The following CSHL1 variants were observed in gnomAD, a reference collection of about 807,000 sequenced individuals.
CSHL1 encodes the protein chorionic somatomammotropin hormone like 1, also known as chorionic somatomammotropin hormone-like 1.
CSHL1 carries 25 observed loss-of-function variants against 24.3 expected under a neutral mutation model. The observed-to-expected ratio is 1.03, with a 90% CI of 0.75 to 1.44. The LOEUF (loss-of-function observed/expected upper bound fraction) is 1.44. Ranked by LOEUF, CSHL1 falls within the 40% of genes most tolerant of loss-of-function variation. The pLI, the probability that CSHL1 is intolerant of heterozygous loss-of-function variation, is 0.00. For missense variants in CSHL1, 342 were observed against 279.3 expected (o/e 1.22, Z -1.60); for synonymous variants, 157 against 115.6 (o/e 1.36, Z -2.30).
At position 63,910,882 on chromosome 17, in the gene CSHL1, A is replaced by G. The variant is rs1462435095; in HGVS notation, c.53T>C (p.Leu18Pro). The G allele has an allele frequency of 6.2e-7, 1 of 1,614,162 alleles. No homozygotes were observed. Among genetic ancestry groups the G allele is most frequent in the Admixed American group, 1.7e-5 (1 of 60,024 alleles). The change falls in exon 2 of 5, where the codon CTG becomes CCG. Residue 18 changes from leucine to proline, a missense_variant. Physicochemically the swap from Leu to Pro is moderately conservative, Grantham distance 98. Coordinates refer to ENST00000309894, the MANE Select transcript of CSHL1 (RefSeq NM_022579.3). ...GGCACCAGCCTCTTGAAGCCAGGGCAGGCAGAGCAGGGCAAAAGCCAGGAG... is the reference window on the plus strand; with the variant it reads ...GGCACCAGCCTCTTGAAGCCAGGGCGGGCAGAGCAGGGCAAAAGCCAGGAG... The part of the protein sequence containing the change: ...SLLLAFALLC[L>P]PWLQEAGAVQ...
Position 63,910,323 on chromosome 17 carries a change from A to C in CSHL1, c.310T>G (p.Leu104Val). Residue 104 changes from leucine (L) to valine (V), a missense_variant, in exon 4 of 5, where the codon TTA (leucine) becomes GTA (valine). Coordinates refer to ENST00000309894, the MANE Select transcript of CSHL1 (RefSeq NM_022579.3). Reference sequence around the variant, plus strand: ...AGCAGGGAGATGTGGAGCAGCTCTAAGTTCTGCAGGGGAAGGACCGGCAGT... The same window carrying C: ...AGCAGGGAGATGTGGAGCAGCTCTACGTTCTGCAGGGGAAGGACCGGCAGT... ...NMEETQQKSN[L>V]ELLHISLLLI... 1.2e-6 allele frequency: 2 copies of C among 1,614,134 alleles called. No homozygotes were observed. The highest frequency in any genetic ancestry group is 1.7e-4 in the Middle Eastern group (1 of 6,056).
rs145719731 is a variant in CSHL1, at chr17:63,910,432, C to T, written c.294G>A (p.Thr98=). The T allele has an allele frequency of 6.9e-5, 112 of 1,614,074 alleles. 1 individual carries two copies. The highest frequency in any genetic ancestry group is 8.6e-5 in the Non-Finnish European group (102 of 1,180,048). ...AGCATCCACTCACGGATTTCTGCTG[C>T]GTTTCCTCCATGTTGGAGGATGTCG... ...SIPTSSNMEE[T]QQKSNLELLH... The change falls in exon 3 of 5, where the codon ACG becomes ACA. Residue 98 remains threonine (T), a synonymous_variant. Transcript: ENST00000309894.
chr17:63,910,866 C>G lies in CSHL1; in HGVS notation c.69G>C (p.Glu23Asp). 1.2e-6 allele frequency: 2 copies of G among 1,614,172 alleles called. No individual in the cohort carries two copies. Among genetic ancestry groups the G allele is most frequent in the South Asian group, 1.1e-5 (1 of 91,082 alleles). Residue 23 changes from glutamate (E) to aspartate (D), a missense_variant, in exon 2 of 5, where the codon GAG becomes GAC. Transcript: ENST00000309894. ...FALLCLPWLQ[E>D]AGAVQTVPLS... ...AGGGAACGGTTTGGACGGCACCAGC[C>G]TCTTGAAGCCAGGGCAGGCAGAGCA...
chr17:63,910,785 G>T lies in CSHL1; in HGVS notation c.150C>A (p.Ala50=). The change falls in exon 2 of 5, where the codon GCC becomes GCA. Residue 50 remains alanine (A), a synonymous_variant. Transcript: ENST00000309894. ...MLQAHRAHQL[A]IDTYQEFISS... ...TTATAAACTCCTGGTAGGTGTCAATGGCCAGCTGGTGTGCGCGATGGGCTT... is the reference window on the plus strand; with the variant it reads ...TTATAAACTCCTGGTAGGTGTCAATTGCCAGCTGGTGTGCGCGATGGGCTT... The T allele has an allele frequency of 6.2e-7, 1 of 1,614,200 alleles. No individual in the cohort carries two copies.
intron 2 of CSHL1, 46 bp from the exon 3 acceptor site, chr17:63,910,581 A>G (rs377234773): frequency 1.9e-6 from 3 of 1,613,950 alleles, no homozygotes; most frequent in African/African-American, 1.3e-5. Context: ...ACTGCTTTCT[A>G]TGCTGGAGAC....
chr17:63,911,076 T>C, intron 1 of CSHL1, 111 bp downstream of exon 1: 7 of 1,611,502 alleles, frequency 4.3e-6, no homozygotes, highest in Non-Finnish European at 5.1e-6. Context: ...TAGATGGCGA[T>C]ATTCACATTC....
In CSHL1 at chr17:63,909,886, A is replaced by C. The variant is rs200267741; in HGVS notation, c.494T>G (p.Leu165Arg). The change falls in exon 5 of 5, where the codon CTG (leucine) becomes CGG (arginine). Residue 165 changes from leucine (L) to arginine (R), a missense_variant. Leu to Arg is a moderately radical substitution (Grantham distance 102). Coordinates refer to ENST00000309894, the MANE Select transcript of CSHL1 (RefSeq NM_022579.3). ...GGTCTGCTTGAGGGTCTGCCCAGTC[A>C]GGTGGCTGCCGTCTTCCAGCCTCTG... ...LMGRLEDGSH[L>R]TGQTLKQTYS... 332 of 1,613,482 alleles carry C rather than the reference A, an allele frequency of 2.1e-4. 3 individuals carry two copies. Among genetic ancestry groups the C allele is most frequent in the South Asian group, 1.8e-3 (164 of 91,064 alleles).
rs200319165 is a variant in CSHL1 at position 63,909,819 on chromosome 17, C to T, written c.561G>A (p.Leu187=). 1,207 of 1,613,972 alleles carry T rather than the reference C, an allele frequency of 7.5e-4. 15 individuals carry two copies. The South Asian group carries it at 7.6e-3, about 10-fold the overall frequency. The change falls in exon 5 of 5, where the codon CTG becomes CTA. Residue 187 remains leucine, a synonymous_variant. Coordinates refer to ENST00000309894, the MANE Select transcript of CSHL1 (RefSeq NM_022579.3). The part of the protein sequence containing the change: ...FDTNSHNHDA[L]LKNYGLLHCF... ...AGTGGAGCAGCCCGTAGTTCTTGAG[C>T]AGTGCGTCATGGTTGTGCGAGTTTG...
At chr17:63,910,011 G>T in intron 4 of CSHL1, 103 bp from the exon 5 acceptor site, 2 of 1,613,998 alleles carry the variant, frequency 1.2e-6, no homozygotes, top group South Asian at 1.1e-5. Flanking sequence ...TGTAGAGAAA[G>T]GCCTGGAGGA....
Position 63,910,222 on chromosome 17 carries a change from C to T in CSHL1, c.411G>A (p.Ser137=), listed in dbSNP as rs754044831. 3.2e-5 allele frequency: 51 copies of T among 1,613,876 alleles called. No homozygotes were observed. Among genetic ancestry groups the T allele is most frequent in the African/African-American group, 2.9e-4 (22 of 74,800 alleles). The change falls in exon 4 of 5, where the codon TCG becomes TCA. Residue 137 remains serine (S), a synonymous_variant. Coordinates refer to ENST00000309894, the MANE Select transcript of CSHL1 (RefSeq NM_022579.3). ...TFTNNLVYDT[S]DSDDYHLLKD... ...TTAGGAGGTGATAGTCATCGCTGTC[C>T]GAGGTGTCATACACCAGGTTGTTGG... is the stretch of plus-strand genomic sequence containing the variant.
chr17:63,910,559 C>A (rs779436626), intron 2 of CSHL1, 24 bp from the exon 3 acceptor site: 1 of 1,614,052 alleles, frequency 6.2e-7, no homozygotes, highest in Non-Finnish European at 8.5e-7. Flanking sequence ...GGACCCCCCA[C>A]CAAGAAGGAC....
chr17:63,910,457 G>A lies in CSHL1; in HGVS notation c.269C>T (p.Pro90Leu), dbSNP rs751267674. Residue 90 changes from proline (P) to leucine (L), a missense_variant, in exon 3 of 5, where the codon CCG (proline) becomes CTG (leucine). Coordinates refer to ENST00000309894, the MANE Select transcript of CSHL1 (RefSeq NM_022579.3). ...CGTTTCCTCCATGTTGGAGGATGTC[G>A]GAATAGAGTCTGAGAAGCAGAAGGA... Reference protein sequence around the residue: ...QTSFCFSDSIPTSSNMEETQQ... With the variant: ...QTSFCFSDSILTSSNMEETQQ... 1.3e-5 allele frequency: 21 copies of A among 1,614,024 alleles called. No homozygotes were observed. Among genetic ancestry groups the A allele is most frequent in the South Asian group, 3.3e-5 (3 of 91,078 alleles).
intron 1 of CSHL1, 23 bp downstream of exon 1, chr17:63,911,164 A>G: frequency 1.9e-6 from 3 of 1,613,598 alleles, no homozygotes; most frequent in Non-Finnish European, 2.5e-6. Flanking sequence ...CGTTGTGCCC[A>G]AAGGGATTTT....
At position 63,909,825 on chromosome 17, in the gene CSHL1, G is replaced by C; in HGVS notation, c.555C>G (p.Asp185Glu). The part of the protein sequence containing the change: ...SKFDTNSHNH[D>E]ALLKNYGLLH... ...GCAGCCCGTAGTTCTTGAGCAGTGC[G>C]TCATGGTTGTGCGAGTTTGTGTCAA... Residue 185 changes from aspartate (D) to glutamate (E), a missense_variant, in exon 5 of 5, where the codon GAC becomes GAG. Coordinates refer to ENST00000309894, the MANE Select transcript of CSHL1 (RefSeq NM_022579.3). 1 of 1,613,982 alleles carries C rather than the reference G, an allele frequency of 6.2e-7. No individual in the cohort carries two copies. Among genetic ancestry groups the C allele is most frequent in the South Asian group, 1.1e-5 (1 of 91,064 alleles).
rs369410349 is a variant in CSHL1, at chr17:63,910,744, C to T, written c.190+1G>A. 9 of 1,613,996 alleles carry T rather than the reference C, an allele frequency of 5.6e-6. 1 individual carries two copies. In the African/African-American group the frequency reaches 6.7e-5, roughly 12 times the overall value. ...CCCTTCTTGCCACCCCTGACCCGCA[C>T]CCATTCCCCAAGAGCTTATAAACTC... is the stretch of plus-strand genomic sequence containing the variant. On this transcript the variant is annotated splice_donor_variant, in intron 2 of 4. Coordinates refer to ENST00000309894, the MANE Select transcript of CSHL1 (RefSeq NM_022579.3). LOFTEE classifies it high-confidence loss of function.
At chr17:63,911,077 A>G (rs1448487025) in intron 1 of CSHL1, 110 bp downstream of exon 1, 10 of 1,611,508 alleles carry the variant, frequency 6.2e-6, no homozygotes, top group Non-Finnish European at 8.5e-6. Flanking sequence ...AGATGGCGAT[A>G]TTCACATTCA....
chr17:63,910,951 G>A (rs1430160099), intron 1 of CSHL1, 27 bp from the exon 2 acceptor site: 2 of 1,613,440 alleles, frequency 1.2e-6, no homozygotes, highest in Non-Finnish European at 1.7e-6. Context: ...GGGCAAGAAG[G>A]GAGCCGCAGA....
At chr17:63,910,666 A>G in intron 2 of CSHL1, 79 bp downstream of exon 2, 1 of 1,614,076 alleles carries the variant, frequency 6.2e-7, no homozygotes, top group Non-Finnish European at 8.5e-7. Context: ...TTCAGAAAAC[A>G]ACCCTGAGCT....
rs776346405 is a variant in CSHL1, at chr17:63,910,434, T to C, written c.292A>G (p.Thr98Ala). 5.6e-6 allele frequency: 9 copies of C among 1,614,082 alleles called. No individual in the cohort carries two copies. The highest frequency in any genetic ancestry group is 7.6e-6 in the Non-Finnish European group (9 of 1,180,040). ...SIPTSSNMEE[T>A]QQKSNLELLH... ...CATCCACTCACGGATTTCTGCTGCG[T>C]TTCCTCCATGTTGGAGGATGTCGGA... Residue 98 changes from threonine (T) to alanine (A), a missense_variant, in exon 3 of 5, where the codon ACG becomes GCG. Coordinates refer to ENST00000309894, the MANE Select transcript of CSHL1 (RefSeq NM_022579.3).
Sources: allele counts gnomAD v4.1 joint callset, GRCh38; gene constraint gnomAD v4.1.1; transcripts MANE v1.5; gene names NCBI Gene and HGNC (gene_info 2026-07-23, HGNC 2026-07-21).